The following NTM variants were observed in gnomAD, a reference collection of about 807,000 sequenced individuals.
The protein encoded by NTM is neurotrimin.
In NTM, 13 loss-of-function variants were observed where a neutral mutation model predicts 42.1. The observed-to-expected ratio is 0.31, with a 90% CI of 0.20 to 0.49. The LOEUF is 0.49. Ranked by LOEUF, NTM falls within the 20% of genes least tolerant of loss-of-function variation. The pLI is 0.99. For missense variants in NTM, 373 were observed against 452.8 expected (o/e 0.82, Z 1.60); for synonymous variants, 187 against 179.2 (o/e 1.04, Z -0.35).
At chr11:131,997,621 A>G (rs1288558117) in intron 2 of NTM, among the ~76,000 whole-genome samples, 2 of 152,114 alleles carry the variant, frequency 1.3e-5, no homozygotes, top group African/African-American at 4.8e-5. Flanking sequence ...ACTTGTAATG[A>G]TCTGAACTGT....
At chr11:132,068,938 T>C (rs1013487856) in intron 2 of NTM, among the ~76,000 whole-genome samples, 2 of 152,246 alleles carry the variant, frequency 1.3e-5, no homozygotes, top group African/African-American at 4.8e-5. Flanking sequence ...TTAAAACCAA[T>C]TTTATTTTTG....
chr11:131,972,961 G>A (rs2134725091), intron 2 of NTM, among the ~76,000 whole-genome samples: 1 of 152,064 alleles, frequency 6.6e-6, no homozygotes, highest in Non-Finnish European at 1.5e-5. Context: ...ACAATAACCA[G>A]GCAGATAAAC....
intron 1 of NTM, among the ~76,000 whole-genome samples, chr11:131,752,620 C>T (rs2082710919): frequency 1.3e-5 from 2 of 152,106 alleles, no homozygotes; most frequent in African/African-American, 4.8e-5. Flanking sequence ...TTCACAATAG[C>T]AAAGACTTGG....
intron 4 of NTM, among the ~76,000 whole-genome samples, chr11:132,281,709 G>A (rs1196704404): frequency 6.6e-6 from 1 of 152,142 alleles, no homozygotes; most frequent in African/African-American, 2.4e-5. Flanking sequence ...ATCATACATG[G>A]GTCAAGCACA....
At chr11:131,487,476 TG>T (rs1954301853) in intron 1 of NTM, among the ~76,000 whole-genome samples, 1 of 152,232 alleles carries the variant, frequency 6.6e-6, no homozygotes, top group Admixed American at 6.5e-5. Context: ...AACCCCCAAT[TG>T]AAATCCAGTA....
At chr11:132,204,381 G>A (rs955123741) in intron 3 of NTM, among the ~76,000 whole-genome samples, 2 of 152,112 alleles carry the variant, frequency 1.3e-5, no homozygotes, top group Non-Finnish European at 1.5e-5. Flanking sequence ...GAACACAAAC[G>A]ATGCCAGGCA....
intron 1 of NTM, chr11:131,582,382 T>C (rs1323862418): frequency 6.6e-6 from 1 of 152,198 alleles, no homozygotes. Flanking sequence ...GCTAACTGTA[T>C]GTAAATGAAT....
intron 1 of NTM, among the ~76,000 whole-genome samples, chr11:131,516,428 G>T (rs2048900847): frequency 6.6e-6 from 1 of 152,124 alleles, no homozygotes; most frequent in Non-Finnish European, 1.5e-5. Context: ...GCCCAGGCTG[G>T]AGAGCAGTGG....
intron 1 of NTM, among the ~76,000 whole-genome samples, chr11:131,371,720 T>C (rs1941212733): frequency 6.6e-6 from 1 of 152,096 alleles, no homozygotes; most frequent in Non-Finnish European, 1.5e-5. Flanking sequence ...CCACACCCCA[T>C]CCCGGCTCTC....
chr11:131,570,987 C>T (rs1247160790), intron 1 of NTM, among the ~76,000 whole-genome samples: 2 of 152,208 alleles, frequency 1.3e-5, no homozygotes, highest in Non-Finnish European at 2.9e-5. Flanking sequence ...CTGATTAAGG[C>T]AGCATGGCAG....
chr11:132,161,575 C>G (rs1326837192), intron 3 of NTM, among the ~76,000 whole-genome samples: 1 of 151,882 alleles, frequency 6.6e-6, no homozygotes, highest in Non-Finnish European at 1.5e-5. Context: ...GCACTGTGCA[C>G]CCGGGCTCAT....
chr11:132,240,539 A>G (rs946815390), intron 4 of NTM, among the ~76,000 whole-genome samples: 4 of 152,244 alleles, frequency 2.6e-5, no homozygotes, highest in South Asian at 2.1e-4. Context: ...ACATATTCCA[A>G]TGAGGGATTG....
chr11:132,287,808 C>A (rs1438590091), intron 4 of NTM, among the ~76,000 whole-genome samples: 4 of 152,090 alleles, frequency 2.6e-5, no homozygotes, highest in African/African-American at 9.7e-5. Flanking sequence ...CATGAGCTTA[C>A]AATTTTGGGT....
At chr11:131,372,443 A>AGTGT (rs142528453) in intron 1 of NTM, among the ~76,000 whole-genome samples, 8 of 151,318 alleles carry the variant, frequency 5.3e-5, no homozygotes, top group Non-Finnish European at 1.0e-4. Context: ...AAGCAGTATC[A>AGTGT]GTGTGTGTGT....
At chr11:131,569,596 G>A (rs1011164571) in intron 1 of NTM, among the ~76,000 whole-genome samples, 3 of 46,458 alleles carry the variant, frequency 6.5e-5, no homozygotes, top group African/African-American at 2.0e-4. Flanking sequence ...TTTTTTCTTT[G>A]ATACAGGGTT....
chr11:131,546,164 C>T lies in NTM; in HGVS notation c.82+175276C>T, dbSNP rs572677387. On this transcript the variant is annotated intron_variant, in intron 1 of 8. Transcript: ENST00000683400. ...GCAGAGAGATAGGAAAGGTTTGAAG[C>T]GGGGCAATTGCATGCTTCAAGTTTT... Among the ~76,000 whole-genome samples, 15 of 152,214 alleles carry T rather than the reference C, an allele frequency of 9.9e-5. No homozygotes were observed. The South Asian group carries it at 1.2e-3, about 13-fold the overall frequency.
rs147640217 is a variant in NTM, at chr11:132,285,361, C to A, written c.527-22328C>A. ...CTCCCTTTGTACCTCTCTCTTCTCA[C>A]CTTTTTGTTGTTGTTAATTGTCATG... On this transcript the variant is annotated intron_variant, in intron 4 of 8. Transcript: ENST00000683400. 2.2e-4 allele frequency among the ~76,000 whole-genome samples: 34 copies of A among 152,292 alleles called. No individual in the cohort carries two copies. In the East Asian group the frequency reaches 6.2e-3, roughly 28 times the overall value.
At chr11:132,162,671 G>T (rs1796196620) in intron 3 of NTM, among the ~76,000 whole-genome samples, 1 of 135,734 alleles carries the variant, frequency 7.4e-6, no homozygotes, top group Non-Finnish European at 1.5e-5. Flanking sequence ...TTGTGTGAGT[G>T]TGTGTGTGTT....
chr11:132,272,895 A>G (rs3133885), intron 4 of NTM, among the ~76,000 whole-genome samples: 100,646 of 151,932 alleles, frequency 0.66, 34,110 homozygotes, highest in Middle Eastern at 0.8. Flanking sequence ...ATAGAGTACA[A>G]TGTTGACTAG....
Sources: gnomAD v4.1 joint callset for allele counts (sites outside exome capture counted in the v4.1 genomes callset) on GRCh38, gnomAD v4.1.1 for gene constraint, MANE v1.5 for transcripts, NCBI Gene and HGNC (gene_info 2026-07-23, HGNC 2026-07-21) for gene names.